ZNF804A: variants seen among roughly 807,000 people sequenced by gnomAD.
ZNF804A encodes zinc finger protein 804A.
In ZNF804A, 2 loss-of-function variants were observed where a neutral mutation model predicts 16.5. That is an observed-to-expected ratio of 0.12 (90% CI 0.05 to 0.38). ZNF804A has a LOEUF of 0.38. Among genes scored for constraint, ZNF804A ranks in the 10% least tolerant of loss-of-function variants. The pLI is 0.99. For missense variants in ZNF804A, 1,473 were observed against 1,390.7 expected (o/e 1.06, Z -0.94); for synonymous variants, 534 against 489.6 (o/e 1.09, Z -1.20).
chr2:184,619,272 G>T (rs965259584), intron 1 of ZNF804A, among the ~76,000 whole-genome samples: 19 of 151,992 alleles, frequency 1.3e-4, no homozygotes, highest in Non-Finnish European at 2.1e-4. Flanking sequence ...ATCTGATCAA[G>T]ATAACAACTA....
intron 1 of ZNF804A, among the ~76,000 whole-genome samples, chr2:184,768,661 A>G (rs1694166083): frequency 6.6e-6 from 1 of 152,040 alleles, no homozygotes; most frequent in African/African-American, 2.4e-5. Context: ...CCACATTTTT[A>G]TAGCCACTAT....
chr2:184,904,607 ATCT>A (rs1049331326), intron 2 of ZNF804A, among the ~76,000 whole-genome samples: 3 of 152,054 alleles, frequency 2.0e-5, no homozygotes, highest in Non-Finnish European at 2.9e-5. Flanking sequence ...AGGAGTTCAA[ATCT>A]TCTAATACTG....
At chr2:184,801,201 T>C (rs1173646708) in intron 1 of ZNF804A, among the ~76,000 whole-genome samples, 2 of 152,170 alleles carry the variant, frequency 1.3e-5, no homozygotes, top group East Asian at 3.8e-4. Flanking sequence ...TTAATCGGTA[T>C]TGTGTTTCAT....
chr2:184,718,684 C>T lies in ZNF804A; in HGVS notation c.111+119614C>T, dbSNP rs151272496. ...AGCTCCAAAATGATCTCCTTGACTC[C>T]ATGTCTCACATCCAGGTCACGCTGA... On this transcript the variant is annotated intron_variant, in intron 1 of 3. Transcript: ENST00000302277. Among the ~76,000 whole-genome samples the T allele has an allele frequency of 5.1e-3, 769 of 152,236 alleles. 7 individuals carry two copies. The highest frequency in any genetic ancestry group is 0.017 in the African/African-American group (724 of 41,542).
intron 1 of ZNF804A, among the ~76,000 whole-genome samples, chr2:184,765,597 T>G (rs1353579495): frequency 2.4e-5 from 1 of 42,296 alleles, no homozygotes; most frequent in Admixed American, 2.9e-4. Flanking sequence ...CACTACCCCC[T>G]CACATGCACC....
chr2:184,782,152 G>T (rs1161876027), intron 1 of ZNF804A, among the ~76,000 whole-genome samples: 2 of 151,532 alleles, frequency 1.3e-5, no homozygotes, highest in African/African-American at 4.8e-5. Flanking sequence ...AAGTACTTGG[G>T]GTTAGGACTT....
chr2:184,766,128 G>A (rs772784259), intron 1 of ZNF804A, among the ~76,000 whole-genome samples: 8 of 152,076 alleles, frequency 5.3e-5, no homozygotes, highest in Non-Finnish European at 1.0e-4. Flanking sequence ...ATTTATGCAT[G>A]TAAACGTGCC....
rs183411112 is a variant in ZNF804A at position 184,774,291 on chromosome 2, T to A, written c.112-92078T>A. On this transcript the variant is annotated intron_variant, in intron 1 of 3. Transcript: ENST00000302277. ...GTAAACTATATAATGAGGTGGCGACTAATGTCCAGGTTGGCAAACAAAAAT... is the reference window on the plus strand; with the variant it reads ...GTAAACTATATAATGAGGTGGCGACAAATGTCCAGGTTGGCAAACAAAAAT... Among the ~76,000 whole-genome samples, 22 of 152,030 alleles carry A rather than the reference T, an allele frequency of 1.4e-4. No homozygotes were observed. The East Asian group carries it at 3.1e-3, about 21-fold the overall frequency.
chr2:184,727,783 C>G (rs1467880694), intron 1 of ZNF804A, among the ~76,000 whole-genome samples: 1 of 151,578 alleles, frequency 6.6e-6, no homozygotes, highest in Non-Finnish European at 1.5e-5. Flanking sequence ...TACTTATAGT[C>G]AAATACAGTA....
chr2:184,905,772 C>A (rs952496094), intron 2 of ZNF804A, among the ~76,000 whole-genome samples: 2 of 152,054 alleles, frequency 1.3e-5, no homozygotes, highest in Non-Finnish European at 2.9e-5. Context: ...AAAATGGTCA[C>A]CTCTACTATT....
chr2:184,670,240 A>G (rs930558766), intron 1 of ZNF804A, among the ~76,000 whole-genome samples: 8 of 152,028 alleles, frequency 5.3e-5, no homozygotes, highest in Admixed American at 4.6e-4. Flanking sequence ...TATCAGCCCA[A>G]TGTATTTAAT....
intron 1 of ZNF804A, among the ~76,000 whole-genome samples, chr2:184,627,446 C>T (rs1410452833): frequency 6.6e-6 from 1 of 152,000 alleles, no homozygotes; most frequent in Non-Finnish European, 1.5e-5. Flanking sequence ...AAACATTTGG[C>T]TTTTTTAACT....
At chr2:184,605,498 T>C (rs1205315408) in intron 1 of ZNF804A, among the ~76,000 whole-genome samples, 1 of 152,130 alleles carries the variant, frequency 6.6e-6, no homozygotes. Flanking sequence ...ATTTTGAGTA[T>C]CTCAAATACT....
chr2:184,693,916 C>CAACTAACT (rs1001460719), intron 1 of ZNF804A, among the ~76,000 whole-genome samples: 7 of 146,742 alleles, frequency 4.8e-5, no homozygotes, highest in African/African-American at 1.7e-4. Context: ...ATCGATGATG[C>CAACTAACT]AACTAACTTA....
At chr2:184,914,996 A>T (rs900974075) in intron 2 of ZNF804A, among the ~76,000 whole-genome samples, 5 of 151,752 alleles carry the variant, frequency 3.3e-5, no homozygotes, top group Non-Finnish European at 7.4e-5. Context: ...TATATATGAA[A>T]ATATAATTGG....
intron 1 of ZNF804A, among the ~76,000 whole-genome samples, chr2:184,749,145 A>G: frequency 6.6e-6 from 1 of 150,470 alleles, no homozygotes; most frequent in Non-Finnish European, 1.5e-5. Context: ...TAGTTTTATA[A>G]GAATCTGTAA....
intron 1 of ZNF804A, among the ~76,000 whole-genome samples, chr2:184,795,247 C>T (rs1042603450): frequency 2.0e-5 from 3 of 151,844 alleles, no homozygotes; most frequent in Non-Finnish European, 2.9e-5. Flanking sequence ...GAATAAAACT[C>T]GAAATCAACT....
In ZNF804A at chr2:184,938,715, G is replaced by A. The variant is rs193000214; in HGVS notation, c.3319G>A (p.Ala1107Thr). The A allele has an allele frequency of 6.8e-5, 110 of 1,610,940 alleles. No individual in the cohort carries two copies. The highest frequency in any genetic ancestry group is 8.9e-5 in the Non-Finnish European group (105 of 1,178,158). ...CCATCACACTGTTTTGCAGCAGCAC[G>A]CTGCAGCTGCTGCAGCTGCAGCTGC... ...TIHHTVLQQH[A>T]AAAAAAAAAA... Residue 1107 changes from alanine to threonine, a missense_variant, in exon 4 of 4, where the codon GCT becomes ACT. Ala to Thr is a moderately conservative substitution (Grantham distance 58). Coordinates refer to ENST00000302277, the MANE Select transcript of ZNF804A (RefSeq NM_194250.2).
intron 1 of ZNF804A, among the ~76,000 whole-genome samples, chr2:184,677,520 T>C (rs981950830): frequency 6.6e-6 from 1 of 151,922 alleles, no homozygotes; most frequent in Non-Finnish European, 1.5e-5. Flanking sequence ...TACTCAAAAC[T>C]AGACAAATAG....
Sources: gnomAD v4.1 joint callset for allele counts (sites outside exome capture counted in the v4.1 genomes callset) on GRCh38, gnomAD v4.1.1 for gene constraint, MANE v1.5 for transcripts, NCBI Gene and HGNC (gene_info 2026-07-23, HGNC 2026-07-21) for gene names.